Variants in PIK3R3 observed in about 807,000 individuals in gnomAD.
The protein encoded by PIK3R3 is phosphoinositide-3-kinase regulatory subunit 3.
In PIK3R3, 64 loss-of-function variants were observed where a neutral mutation model predicts 62.9. The ratio of observed to expected loss-of-function variants is 1.02; its 90% CI spans 0.83 to 1.25. PIK3R3 has a LOEUF of 1.25. Ranked by LOEUF, PIK3R3 falls within the 50% of genes most tolerant of loss-of-function variation. The probability of loss-of-function intolerance (pLI) is 0.00; values close to 1 mark genes in which losing one functional copy is unlikely to be tolerated. For missense variants in PIK3R3, 614 were observed against 561.6 expected (o/e 1.09, Z -0.94); for synonymous variants, 165 against 189.0 (o/e 0.87, Z 1.04).
chr1:46,046,444 A>G (rs111459014), intron 8 of PIK3R3, 107 bp downstream of exon 8: 1 of 786,820 alleles, frequency 1.3e-6, no homozygotes, highest in South Asian at 1.6e-5. Context: ...TTCTAGATTC[A>G]ATGTCCTCAA....
At chr1:46,063,583 C>T (rs1244484685) in intron 5 of PIK3R3, among the ~76,000 whole-genome samples, 5 of 152,160 alleles carry the variant, frequency 3.3e-5, no homozygotes, top group Non-Finnish European at 1.5e-5. Context: ...GTAAGTAGAA[C>T]AGCAAAGGGA....
chr1:46,059,572 T>C (rs1010456017), intron 6 of PIK3R3, among the ~76,000 whole-genome samples: 1 of 152,152 alleles, frequency 6.6e-6, no homozygotes, highest in Non-Finnish European at 1.5e-5. Context: ...CCCAGCACTT[T>C]GGGAAGCTGA....
the PIK3R3 span, among the ~76,000 whole-genome samples, chr1:46,169,061 C>T: frequency 1.3e-5 from 2 of 152,198 alleles, no homozygotes; most frequent in African/African-American, 4.8e-5. Flanking sequence ...GCCCCTATTG[C>T]ACTTACGAAT....
chr1:46,116,605 T>C (rs1654209014), intron 1 of PIK3R3, among the ~76,000 whole-genome samples: 1 of 149,662 alleles, frequency 6.7e-6, no homozygotes, highest in Admixed American at 6.7e-5. Flanking sequence ...GAGGTTGCAG[T>C]GAGCCGAGAT....
the PIK3R3 span, among the ~76,000 whole-genome samples, chr1:46,169,202 A>G: frequency 6.6e-6 from 1 of 152,174 alleles, no homozygotes; most frequent in East Asian, 1.9e-4. Context: ...ATTTAGACAG[A>G]CTTAGTTGAG....
intron 3 of PIK3R3, among the ~76,000 whole-genome samples, chr1:46,071,434 G>A (rs568261413): frequency 5.3e-5 from 8 of 151,680 alleles, no homozygotes; most frequent in South Asian, 2.1e-4. Flanking sequence ...GGTAGCTCAC[G>A]CCTATAATCC....
chr1:46,046,115 T>C (rs923406567), intron 8 of PIK3R3, 27 bp from the exon 9 acceptor site: 8 of 1,339,414 alleles, frequency 6.0e-6, no homozygotes, highest in Middle Eastern at 1.9e-4. Context: ...AGTATATTAT[T>C]CTAACAAGTT....
chr1:46,144,566 G>A, the PIK3R3 span, among the ~76,000 whole-genome samples: 1 of 152,076 alleles, frequency 6.6e-6, no homozygotes, highest in Non-Finnish European at 1.5e-5. Flanking sequence ...TCAAGAGATT[G>A]AGACCATCCT....
At chr1:46,069,948 T>C (rs1346691806) in intron 3 of PIK3R3, among the ~76,000 whole-genome samples, 3 of 152,136 alleles carry the variant, frequency 2.0e-5, no homozygotes, top group Non-Finnish European at 4.4e-5. Flanking sequence ...TAGATAGCAC[T>C]AAATGAACTG....
At chr1:46,105,749 G>T (rs1346581654) in intron 1 of PIK3R3, among the ~76,000 whole-genome samples, 1 of 151,620 alleles carries the variant, frequency 6.6e-6, no homozygotes, top group Non-Finnish European at 1.5e-5. Context: ...TGAACCCCGG[G>T]GCTGGGGTGG....
intron 1 of PIK3R3, among the ~76,000 whole-genome samples, chr1:46,112,380 G>C (rs1553154567): frequency 6.6e-6 from 1 of 152,104 alleles, no homozygotes; most frequent in Non-Finnish European, 1.5e-5. Flanking sequence ...GCTGTTTTTA[G>C]TAGCAAATAT....
At chr1:46,054,043 G>C (rs1647631627) in intron 7 of PIK3R3, among the ~76,000 whole-genome samples, 1 of 152,086 alleles carries the variant, frequency 6.6e-6, no homozygotes, top group Non-Finnish European at 1.5e-5. Flanking sequence ...GATCTCTTGA[G>C]AGAGCTGGTA....
chr1:46,075,932 T>C (rs749912200), intron 3 of PIK3R3, among the ~76,000 whole-genome samples: 18 of 152,294 alleles, frequency 1.2e-4, no homozygotes, highest in South Asian at 4.1e-4. Flanking sequence ...TTGGTATAAG[T>C]CCTGGAGTCC....
At chr1:46,143,600 C>T in the PIK3R3 span, among the ~76,000 whole-genome samples, 2 of 151,932 alleles carry the variant, frequency 1.3e-5, no homozygotes, top group Non-Finnish European at 2.9e-5. Context: ...CTCTTCAGTG[C>T]CAGTAGCTGG....
chr1:46,055,736 A>T, intron 7 of PIK3R3, 59 bp downstream of exon 7: 1 of 1,072,920 alleles, frequency 9.3e-7, no homozygotes, highest in Non-Finnish European at 1.4e-6. Context: ...TAGTGTCTCT[A>T]GTGCTGGTAG....
At chr1:46,070,145 T>TTAA (rs1190266023) in intron 3 of PIK3R3, among the ~76,000 whole-genome samples, 2 of 152,182 alleles carry the variant, frequency 1.3e-5, no homozygotes, top group Non-Finnish European at 2.9e-5. Flanking sequence ...AAATGGGAGA[T>TTAA]AATAGAGTAT....
At chr1:46,094,068 C>CAA (rs1021764796) in intron 1 of PIK3R3, among the ~76,000 whole-genome samples, 3 of 117,430 alleles carry the variant, frequency 2.6e-5, no homozygotes, top group Non-Finnish European at 3.6e-5. Context: ...GACCCTGTCT[C>CAA]AAAAAAAAAA....
chr1:46,161,865 G>T, the PIK3R3 span, among the ~76,000 whole-genome samples: 1 of 152,160 alleles, frequency 6.6e-6, no homozygotes, highest in Admixed American at 6.5e-5. Flanking sequence ...GGCCAAGGTG[G>T]GCGGATCACG....
chr1:46,090,648 T>C (rs1651542290), intron 1 of PIK3R3, among the ~76,000 whole-genome samples: 1 of 152,178 alleles, frequency 6.6e-6, no homozygotes, highest in Non-Finnish European at 1.5e-5. Flanking sequence ...ACAGTCATTA[T>C]TAAATATTAA....
Sources: gnomAD v4.1 joint callset for allele counts (sites outside exome capture counted in the v4.1 genomes callset) on GRCh38, gnomAD v4.1.1 for gene constraint, MANE v1.5 for transcripts, NCBI Gene and HGNC (gene_info 2026-07-23, HGNC 2026-07-21) for gene names.